The following CIITA variants were observed in gnomAD, a reference collection of about 807,000 sequenced individuals.
CIITA encodes the protein MHC class II transactivator.
Under a neutral mutation model 115.1 loss-of-function variants are expected in CIITA, and 72 were observed. The ratio of observed to expected loss-of-function variants is 0.63; its 90% CI spans 0.52 to 0.76. The LOEUF (loss-of-function observed/expected upper bound fraction) is 0.76. Ranked by LOEUF, CIITA falls within the 30% of genes least tolerant of loss-of-function variation. The pLI is 0.00. For missense variants in CIITA, 1,617 were observed against 1,463.8 expected (o/e 1.10, Z -1.71); for synonymous variants, 763 against 635.6 (o/e 1.20, Z -3.02).
rs2040669256 is a variant in CIITA, at chr16:10,929,241, T to C, written c.*5386T>C. The C allele has an allele frequency of 2.0e-6, 2 of 985,890 alleles. No homozygotes were observed. Among genetic ancestry groups the C allele is most frequent in the Non-Finnish European group, 2.4e-6 (2 of 829,956 alleles). 61.1% of individuals were successfully genotyped at this position (985,890 alleles called of 1,614,324 possible). On this transcript the variant is annotated 3_prime_UTR_variant, in exon 20 of 20. Transcript: ENST00000324288. This position sits in a 1 kb window ranked among gnomAD's most constrained non-coding sequence, Gnocchi z 4.3. The stretch of plus-strand genomic sequence containing the variant: ...CATCAAACGGAGCTGGGAGTCGCTT[T>C]TGCGTGTGTCCGCAGTTTGAAGTGT...
intron 5 of CIITA, 92 bp downstream of exon 5, chr16:10,899,094 C>G (rs1032839628): frequency 4.9e-6 from 6 of 1,227,978 alleles, no homozygotes; most frequent in Non-Finnish European, 7.2e-6. Flanking sequence ...ACTTGCTTCC[C>G]TCGCTAAGTC....
chr16:10,909,142 C>A lies in CIITA; in HGVS notation c.2771C>A (p.Ser924Tyr), dbSNP rs768735495. The stretch of plus-strand genomic sequence containing the variant: ...ACCATCGAGCCTTTCAAAGCCAAGT[C>A]CCTGAAGGATGTGGAAGACCTGGGA... ...KFTIEPFKAK[S>Y]LKDVEDLGKL... Residue 924 changes from serine (S) to tyrosine (Y), a missense_variant, in exon 12 of 20, where the codon TCC (serine) becomes TAC (tyrosine). Ser to Tyr is a moderately radical substitution (Grantham distance 144). Coordinates refer to ENST00000324288, the MANE Select transcript of CIITA (RefSeq NM_000246.4). The A allele has an allele frequency of 5.0e-6, 8 of 1,614,172 alleles. No homozygotes were observed. The highest frequency in any genetic ancestry group is 1.7e-5 in the Admixed American group (1 of 60,026).
Position 10,923,205 on chromosome 16 carries a change from C to T in CIITA, c.3318-23C>T. ...CCGCCCTCTCTCCTCTAACCTGGCT[C>T]TGAGTCCCATCCCCCCTTGCAGGAT... On this transcript the variant is annotated intron_variant, in intron 18 of 19. Coordinates refer to ENST00000324288, the MANE Select transcript of CIITA (RefSeq NM_000246.4). This position sits in a 1 kb window ranked among gnomAD's most constrained non-coding sequence, Gnocchi z 5.2. The T allele has an allele frequency of 6.2e-7, 1 of 1,610,850 alleles. No individual in the cohort carries two copies. Among genetic ancestry groups the T allele is most frequent in the East Asian group, 2.2e-5 (1 of 44,874 alleles).
In CIITA at chr16:10,931,468, C is replaced by T. The variant is rs1274583490; in HGVS notation, c.*7613C>T. The T allele has an allele frequency of 6.6e-6, 1 of 152,260 alleles. No individual in the cohort carries two copies. The highest frequency in any genetic ancestry group is 2.4e-5 in the African/African-American group (1 of 41,470). 9.4% of individuals were successfully genotyped at this position (152,260 alleles called of 1,614,324 possible). On this transcript the variant is annotated 3_prime_UTR_variant, in exon 20 of 20. Transcript: ENST00000324288. ...CTGAATGGGCTACACGTGGAATTTA[C>T]TAACACTCCGGTTTTCATTGTGTTT...
rs1305737395 is a variant in CIITA, at chr16:10,901,662, G to A, written c.481+104G>A. On this transcript the variant is annotated intron_variant, in intron 6 of 19. Transcript: ENST00000324288. The surrounding 1 kb of genome is among the most constrained non-coding windows in gnomAD (Gnocchi z 6.8). ...AAGTCTGATGGGGATGGTGCATGGT[G>A]CAGCCCCTGCCCTTCTTTGGGTAGA... is the stretch of plus-strand genomic sequence containing the variant. The A allele has an allele frequency of 1.6e-6, 2 of 1,236,406 alleles. No individual in the cohort carries two copies. Among genetic ancestry groups the A allele is most frequent in the Non-Finnish European group, 2.3e-6 (2 of 862,806 alleles). 76.6% of individuals were successfully genotyped at this position (1,236,406 alleles called of 1,614,324 possible). A position where few individuals can be genotyped will look rare whatever the true frequency, so the allele number is the denominator to read the frequency against.
At chr16:10,908,511 G>A (rs2039334890) in intron 11 of CIITA, 3 of 431,504 alleles carry the variant, frequency 7.0e-6, no homozygotes, top group Non-Finnish European at 1.3e-5. Context: ...CCTCCCCTTG[G>A]ACTCTCTGCC....
chr16:10,902,334 T>C, intron 7 of CIITA, 150 bp downstream of exon 7: 3 of 1,204,786 alleles, frequency 2.5e-6, no homozygotes, highest in South Asian at 1.4e-5. Flanking sequence ...AGTTTTATCC[T>C]TGGGGCCCCC....
rs113334711 is a variant in CIITA at position 10,906,776 on chromosome 16, T to C, written c.1284T>C (p.Tyr428=). Residue 428 remains tyrosine, a synonymous_variant, in exon 11 of 20, where the codon TAT becomes TAC. Coordinates refer to ENST00000324288, the MANE Select transcript of CIITA (RefSeq NM_000246.4). ...GCAAAGCTGGTCAGGGCAAGAGCTA[T>C]TGGGCTGGGGCAGTGAGCCGGGCCT... is the stretch of plus-strand genomic sequence containing the variant. ...VLGKAGQGKS[Y]WAGAVSRAWA... is the part of the protein sequence containing the mutation. The C allele has an allele frequency of 1.2e-5, 20 of 1,611,486 alleles. No individual in the cohort carries two copies. Among genetic ancestry groups the C allele is most frequent in the South Asian group, 1.2e-4 (11 of 91,080 alleles).
intron 12 of CIITA, 43 bp from the exon 13 acceptor site, chr16:10,910,145 G>C: frequency 2.5e-6 from 4 of 1,568,986 alleles, no homozygotes; most frequent in Non-Finnish European, 3.5e-6. Context: ...AGGGCTCAGT[G>C]ACAGCAGTGC....
chr16:10,916,486 G>A (rs767532010), intron 15 of CIITA, 27 bp downstream of exon 15: 13 of 1,585,914 alleles, frequency 8.2e-6, no homozygotes, highest in South Asian at 5.6e-5. Flanking sequence ...TGCCCTTCCT[G>A]CTGAATCGGG....
rs1273448546 is a variant in CIITA, at chr16:10,942,035, G to T, written n.1161G>T. ...CGGGTGGCAAGGGCGGCGGCCCGGC[G>T]ATCCCGGCGAACTCAGCCGCTGCGG... On this transcript the variant is annotated non_coding_transcript_exon_variant, in exon 2 of 2. Transcript: ENST00000573379. This position sits in a 1 kb window ranked among gnomAD's most constrained non-coding sequence, Gnocchi z 5.0. 62 of 1,372,188 alleles carry T rather than the reference G, an allele frequency of 4.5e-5. No homozygotes were observed. Among genetic ancestry groups the T allele is most frequent in the Non-Finnish European group, 5.2e-5 (55 of 1,064,738 alleles). The allele number at this position is 1,372,188 out of a possible 1,614,324, so 85.0% of individuals were successfully genotyped here. A position where few individuals can be genotyped will look rare whatever the true frequency, so the allele number is the denominator to read the frequency against.
intron 13 of CIITA, 63 bp from the exon 14 acceptor site, chr16:10,915,507 C>A (rs773020219): frequency 1.5e-6 from 2 of 1,331,256 alleles, no homozygotes; most frequent in Non-Finnish European, 2.2e-6. Flanking sequence ...CTGCCCCACC[C>A]TGGGGCTGAA....
chr16:10,941,768 G>C lies in CIITA; in HGVS notation n.894G>C. 1.2e-6 allele frequency: 2 copies of C among 1,613,520 alleles called. No homozygotes were observed. Among genetic ancestry groups the C allele is most frequent in the Non-Finnish European group, 1.7e-6 (2 of 1,179,752 alleles). ...TCGAGCTCCGAGTCAGCATCGTAAA[G>C]GCCCGAGCCGGGGTCGGAGAGCACG... is the stretch of plus-strand genomic sequence containing the variant. On this transcript the variant is annotated non_coding_transcript_exon_variant, in exon 2 of 2. Coordinates refer to the CIITA transcript ENST00000573379. This position sits in a 1 kb window ranked among gnomAD's most constrained non-coding sequence, Gnocchi z 6.4.
At chr16:10,878,153 T>C (rs2036024090) in intron 1 of CIITA, among the ~76,000 whole-genome samples, 1 of 152,180 alleles carries the variant, frequency 6.6e-6, no homozygotes. Context: ...CTCAATTTTA[T>C]TGGCATTGCT....
At chr16:10,898,632 A>C (rs371293170) in intron 3 of CIITA, 38 bp from the exon 4 acceptor site, 42 of 1,583,970 alleles carry the variant, frequency 2.7e-5, no homozygotes, top group Non-Finnish European at 3.3e-5. Context: ...CTTCAGTTAG[A>C]CCTTGTTGAT....
In CIITA at chr16:10,924,573, C is replaced by A. The variant is rs571167786; in HGVS notation, c.*718C>A. ...CTCCACCCTGCTCTCCGACCAGACA[C>A]CTTGACAGGGCACACCGGGCACTCA... On this transcript the variant is annotated 3_prime_UTR_variant, in exon 20 of 20. Transcript: ENST00000324288. The A allele has an allele frequency of 6.6e-6, 1 of 152,408 alleles. No homozygotes were observed. Among genetic ancestry groups the A allele is most frequent in the South Asian group, 2.1e-4 (1 of 4,826 alleles). 9.4% of individuals were successfully genotyped at this position (152,408 alleles called of 1,614,324 possible).
In CIITA at chr16:10,928,543, G is replaced by C. The variant is rs1320464460; in HGVS notation, c.*4688G>C. Reference sequence around the variant, plus strand: ...TAACCTCAAGTGATCTGCCCGCCTCGGCCTTCCAAAGTGCTGGGATTACAG... The same window carrying C: ...TAACCTCAAGTGATCTGCCCGCCTCCGCCTTCCAAAGTGCTGGGATTACAG... On this transcript the variant is annotated 3_prime_UTR_variant, in exon 20 of 20. Coordinates refer to ENST00000324288, the MANE Select transcript of CIITA (RefSeq NM_000246.4). The C allele has an allele frequency of 1.3e-5, 2 of 152,258 alleles. No homozygotes were observed. The highest frequency in any genetic ancestry group is 4.8e-5 in the African/African-American group (2 of 41,418). The allele number at this position is 152,258 out of a possible 1,614,324, so 9.4% of individuals were successfully genotyped here. A position where few individuals can be genotyped will look rare whatever the true frequency, so the allele number is the denominator to read the frequency against.
chr16:10,908,971 C>G, intron 11 of CIITA, 58 bp from the exon 12 acceptor site: 1 of 1,611,972 alleles, frequency 6.2e-7, no homozygotes, highest in Non-Finnish European at 8.5e-7. Context: ...ATGGAGCTGC[C>G]CTTCCATTAA....
chr16:10,882,009 T>C (rs1228201814), intron 1 of CIITA, among the ~76,000 whole-genome samples: 1 of 152,234 alleles, frequency 6.6e-6, no homozygotes. Context: ...TTCCTTTCTA[T>C]GGCGGAATAG....
Sources: gnomAD v4.1 joint callset for allele counts (sites outside exome capture counted in the v4.1 genomes callset) on GRCh38, gnomAD v4.1.1 for gene constraint, Gnocchi (gnomAD v3.1) non-coding constraint, MANE v1.5 for transcripts, NCBI Gene and HGNC (gene_info 2026-07-23, HGNC 2026-07-21) for gene names.